Variants in MCF2L2 observed in about 807,000 individuals in gnomAD.
The protein encoded by MCF2L2 is MCF.2 cell line derived transforming sequence-like 2.
In MCF2L2, 102 loss-of-function variants were observed where a neutral mutation model predicts 150.2. The observed-to-expected ratio is 0.68, with a 90% CI of 0.58 to 0.80. The LOEUF (loss-of-function observed/expected upper bound fraction) is 0.80. Among genes scored for constraint, MCF2L2 ranks in the 30% least tolerant of loss-of-function variants. The probability of loss-of-function intolerance (pLI) is 0.00; values close to 1 mark genes in which losing one functional copy is unlikely to be tolerated. For synonymous variants in MCF2L2, 465 were observed against 491.3 expected (o/e 0.95, Z 0.71); for missense variants, 1,256 against 1,372.8 (o/e 0.91, Z 1.34).
chr3:183,224,283 G>C (rs1723265794), intron 18 of MCF2L2, 93 bp from the exon 19 acceptor site: 3 of 817,702 alleles, frequency 3.7e-6, no homozygotes, highest in Non-Finnish European at 6.2e-6. Flanking sequence ...CAACAAGCCA[G>C]AGTATTCTAA....
chr3:183,274,666 G>A (rs2108455421), intron 15 of MCF2L2, among the ~76,000 whole-genome samples: 1 of 152,266 alleles, frequency 6.6e-6, no homozygotes, highest in Non-Finnish European at 1.5e-5. Context: ...ACCTATATTT[G>A]GGGACTTTAA....
At position 183,188,614 on chromosome 3, in the gene MCF2L2, C is replaced by T. The variant is rs796875606; in HGVS notation, c.3016+4385G>A. On this transcript the variant is annotated intron_variant, in intron 27 of 29. Coordinates refer to ENST00000328913, the MANE Select transcript of MCF2L2 (RefSeq NM_015078.4). ...AGCTTCTGAATGCAGTGGTAAGACT[C>T]TGTCCTGTGATCACGTCTATGGCTG... 6.6e-5 allele frequency among the ~76,000 whole-genome samples: 10 copies of T among 152,322 alleles called. 1 individual carries two copies. The highest frequency in any genetic ancestry group is 2.4e-4 in the African/African-American group (10 of 41,566).
At chr3:183,292,902 A>C (rs1728248267) in intron 13 of MCF2L2, among the ~76,000 whole-genome samples, 2 of 152,190 alleles carry the variant, frequency 1.3e-5, no homozygotes, top group African/African-American at 4.8e-5. Context: ...AAAACAAAAT[A>C]TTAAAAAATA....
chr3:183,229,913 C>T (rs949006118), intron 16 of MCF2L2, 132 bp from the exon 17 acceptor site: 6 of 461,772 alleles, frequency 1.3e-5, no homozygotes, highest in African/African-American at 8.0e-5. Flanking sequence ...TGAAAGCTAT[C>T]GTATTGAGTA....
intron 9 of MCF2L2, among the ~76,000 whole-genome samples, chr3:183,310,295 G>T (rs111899799): frequency 0.083 from 12,623 of 152,156 alleles, 1,722 homozygotes; most frequent in African/African-American, 0.29. Context: ...GAGGTCAGGA[G>T]ATTGAGACCA....
intron 2 of MCF2L2, 132 bp downstream of exon 2, chr3:183,389,564 G>T: frequency 1.4e-6 from 1 of 727,284 alleles, no homozygotes; most frequent in Non-Finnish European, 2.4e-6. Context: ...GCCTCAGCCT[G>T]TTCTAGTCCC....
At chr3:183,387,682 C>T (rs1230247831) in intron 2 of MCF2L2, among the ~76,000 whole-genome samples, 1 of 152,102 alleles carries the variant, frequency 6.6e-6, no homozygotes, top group Non-Finnish European at 1.5e-5. Flanking sequence ...CCTGTAATCC[C>T]AGCACTTTAG....
intron 5 of MCF2L2, among the ~76,000 whole-genome samples, chr3:183,323,827 G>C (rs1021068477): frequency 6.6e-6 from 1 of 151,150 alleles, no homozygotes; most frequent in Non-Finnish European, 1.5e-5. Context: ...ATATCCAGCA[G>C]GGAAATATTT....
chr3:183,296,947 A>G (rs1198234842), intron 12 of MCF2L2, 29 bp downstream of exon 12: 1 of 1,601,090 alleles, frequency 6.2e-7, no homozygotes, highest in East Asian at 2.2e-5. Flanking sequence ...TTTCCCAACC[A>G]CAGGATCAAA....
chr3:183,283,527 C>A lies in MCF2L2; in HGVS notation c.1776+5593G>T, dbSNP rs1219783653. The stretch of plus-strand genomic sequence containing the variant: ...CCCACCTTTCAGAGTTCTATTTATT[C>A]TTTTTTTTTTTTTAGATGGAGTCTC... On this transcript the variant is annotated intron_variant, in intron 14 of 29. Transcript: ENST00000328913. The surrounding 1 kb of genome is among the most constrained non-coding windows in gnomAD (Gnocchi z 4.2). Among the ~76,000 whole-genome samples the A allele has an allele frequency of 1.4e-5, 2 of 144,586 alleles. No homozygotes were observed. Among genetic ancestry groups the A allele is most frequent in the Admixed American group, 1.4e-4 (2 of 14,354 alleles). 94.9% of individuals were successfully genotyped at this position (144,586 alleles called of 152,430 possible).
chr3:183,189,637 G>T (rs1721810028), intron 27 of MCF2L2, among the ~76,000 whole-genome samples: 1 of 152,142 alleles, frequency 6.6e-6, no homozygotes, highest in African/African-American at 2.4e-5. Context: ...GGAGAAATGG[G>T]TCCTGGTCAT....
chr3:183,404,434 C>T (rs1714929089), intron 1 of MCF2L2, among the ~76,000 whole-genome samples: 1 of 152,200 alleles, frequency 6.6e-6, no homozygotes, highest in South Asian at 2.1e-4. Flanking sequence ...TGCTGATAAA[C>T]AGATCAAGTG....
At position 183,181,926 on chromosome 3, in the gene MCF2L2, T is replaced by C. The variant is rs954017245; in HGVS notation, c.3017-1767A>G. On this transcript the variant is annotated intron_variant, in intron 27 of 29. Transcript: ENST00000328913. The surrounding 1 kb of genome is among the most constrained non-coding windows in gnomAD (Gnocchi z 4.3). ...TCTAGCCCCTCCGCAGGGTAAGTGG[T>C]ACCTCCAGGTAAAATGATTAGTTGG... Among the ~76,000 whole-genome samples the C allele has an allele frequency of 8.5e-5, 13 of 152,234 alleles. No homozygotes were observed. Among genetic ancestry groups the C allele is most frequent in the Non-Finnish European group, 1.5e-4 (10 of 67,978 alleles).
At chr3:183,257,725 T>C (rs1273562555) in intron 15 of MCF2L2, among the ~76,000 whole-genome samples, 2 of 152,230 alleles carry the variant, frequency 1.3e-5, no homozygotes, top group Non-Finnish European at 2.9e-5. Flanking sequence ...AGGCAGACAC[T>C]GGGTTATATC....
At chr3:183,320,756 T>C (rs1168542300) in intron 6 of MCF2L2, among the ~76,000 whole-genome samples, 1 of 152,200 alleles carries the variant, frequency 6.6e-6, no homozygotes, top group Non-Finnish European at 1.5e-5. Flanking sequence ...ATCAAGAACT[T>C]TTCCTTTGCA....
chr3:183,341,331 C>CT (rs1326325392), intron 4 of MCF2L2, among the ~76,000 whole-genome samples: 2 of 152,196 alleles, frequency 1.3e-5, no homozygotes, highest in Non-Finnish European at 2.9e-5. Context: ...GGTAGAGAGA[C>CT]TTAGGAAGTC....
rs546345503 is a variant in MCF2L2, at chr3:183,379,548, C to T, written c.161-137G>A. 7.3e-5 allele frequency: 47 copies of T among 647,974 alleles called. No homozygotes were observed. In the Middle Eastern group the frequency reaches 9.8e-4, roughly 13 times the overall value. 40.1% of individuals were successfully genotyped at this position (647,974 alleles called of 1,614,324 possible). On this transcript the variant is annotated intron_variant, in intron 2 of 29. Coordinates refer to ENST00000328913, the MANE Select transcript of MCF2L2 (RefSeq NM_015078.4). ...CAGACTAGAATTTGGGAGAAGTTAACACAGTTATTTTGAACAAGTCTCTCT... is the reference window on the plus strand; with the variant it reads ...CAGACTAGAATTTGGGAGAAGTTAATACAGTTATTTTGAACAAGTCTCTCT...
At position 183,305,944 on chromosome 3, in the gene MCF2L2, C is replaced by A. The variant is rs2108504261; in HGVS notation, c.1113+3772G>T. 6.6e-6 allele frequency among the ~76,000 whole-genome samples: 1 copy of A among 152,338 alleles called. No homozygotes were observed. Among genetic ancestry groups the A allele is most frequent in the Non-Finnish European group, 1.5e-5 (1 of 68,034 alleles). ...TTGAAAGGACAACAATAGTTTCTGACCACTGACTACTGACCACCAACCATA... is the reference window on the plus strand; with the variant it reads ...TTGAAAGGACAACAATAGTTTCTGAACACTGACTACTGACCACCAACCATA... On this transcript the variant is annotated intron_variant, in intron 10 of 29. Coordinates refer to ENST00000328913, the MANE Select transcript of MCF2L2 (RefSeq NM_015078.4). The surrounding 1 kb of genome is among the most constrained non-coding windows in gnomAD (Gnocchi z 4.1).
chr3:183,426,373 C>A (rs1716167021), intron 1 of MCF2L2, among the ~76,000 whole-genome samples: 1 of 152,300 alleles, frequency 6.6e-6, no homozygotes, highest in East Asian at 1.9e-4. Flanking sequence ...AGTAACCCAC[C>A]AAAGATCTTT....
Sources: gnomAD v4.1 joint callset for allele counts (sites outside exome capture counted in the v4.1 genomes callset) on GRCh38, gnomAD v4.1.1 for gene constraint, Gnocchi (gnomAD v3.1) non-coding constraint, MANE v1.5 for transcripts, NCBI Gene and HGNC (gene_info 2026-07-23, HGNC 2026-07-21) for gene names.